Variants in RGS17 observed in about 807,000 individuals in gnomAD.
RGS17 encodes regulator of G-protein signaling 17.
RGS17 carries 12 observed loss-of-function variants against 25.5 expected under a neutral mutation model. That is an observed-to-expected ratio of 0.47 (90% CI 0.30 to 0.76). The LOEUF (loss-of-function observed/expected upper bound fraction) is 0.76. Ranked by LOEUF, RGS17 falls within the 30% of genes least tolerant of loss-of-function variation. The probability of loss-of-function intolerance (pLI) is 0.07; values close to 1 mark genes in which losing one functional copy is unlikely to be tolerated. For synonymous variants in RGS17, 71 were observed against 76.9 expected (o/e 0.92, Z 0.40); for missense variants, 196 against 242.2 (o/e 0.81, Z 1.27).
intron 3 of RGS17, among the ~76,000 whole-genome samples, chr6:153,026,046 A>C (rs1779298543): frequency 6.6e-6 from 1 of 152,098 alleles, no homozygotes; most frequent in Non-Finnish European, 1.5e-5. Context: ...CTCTGGTAGA[A>C]AAGGAACCAG....
chr6:153,013,949 G>A (rs1276439682), intron 4 of RGS17, among the ~76,000 whole-genome samples: 1 of 152,334 alleles, frequency 6.6e-6, no homozygotes, highest in South Asian at 2.1e-4. Flanking sequence ...AGAAACTGCA[G>A]TAATTTATTC....
Position 153,006,917 on chromosome 6 carries a change from A to C in RGS17, c.*4657T>G, listed in dbSNP as rs1048827126. The C allele has an allele frequency of 6.6e-6, 1 of 152,196 alleles. No individual in the cohort carries two copies. The highest frequency in any genetic ancestry group is 1.5e-5 in the Non-Finnish European group (1 of 68,016). 9.4% of individuals were successfully genotyped at this position (152,196 alleles called of 1,614,324 possible). On this transcript the variant is annotated 3_prime_UTR_variant, in exon 5 of 5. Coordinates refer to ENST00000206262, the MANE Select transcript of RGS17 (RefSeq NM_012419.5). The stretch of plus-strand genomic sequence containing the variant: ...CTGATGTTTTTACACTATGCTCCCT[A>C]AGTGAATCTGTGGACATACATTTCC...
At chr6:153,050,904 C>G (rs1357259652) in intron 1 of RGS17, among the ~76,000 whole-genome samples, 3 of 152,042 alleles carry the variant, frequency 2.0e-5, no homozygotes, top group African/African-American at 7.2e-5. Context: ...GAGGTGGGGC[C>G]TTTCAGAGGT....
At chr6:153,053,759 T>C (rs1776493782) in intron 1 of RGS17, among the ~76,000 whole-genome samples, 1 of 150,446 alleles carries the variant, frequency 6.6e-6, no homozygotes, top group Non-Finnish European at 1.5e-5. Context: ...CACCATGTAC[T>C]CTAGCCTGGG....
At chr6:153,041,013 A>AC (rs1296479198) in intron 2 of RGS17, among the ~76,000 whole-genome samples, 1 of 150,448 alleles carries the variant, frequency 6.6e-6, no homozygotes, top group Non-Finnish European at 1.5e-5. Context: ...AAAAAAAAAA[A>AC]AATTAGCCAG....
Position 153,070,701 on chromosome 6 carries a change from G to GTGTGTGTA in RGS17, c.-25-26659_-25-26658insTACACACA, listed in dbSNP as rs1197990953. 5.1e-4 allele frequency among the ~76,000 whole-genome samples: 53 copies of GTGTGTGTA among 104,726 alleles called. 1 individual carries two copies. Among genetic ancestry groups the GTGTGTGTA allele is most frequent in the South Asian group, 4.1e-3 (15 of 3,668 alleles). 68.7% of individuals were successfully genotyped at this position (104,726 alleles called of 152,430 possible). On this transcript the variant is annotated intron_variant, in intron 1 of 4. Transcript: ENST00000206262. ...TGTGTGTGTGTGTGTGTGTGTGTGT[G>GTGTGTGTA]TATATACATATATATATACACATAT...
chr6:153,051,035 C>T (rs1270922100), intron 1 of RGS17, among the ~76,000 whole-genome samples: 1 of 152,198 alleles, frequency 6.6e-6, no homozygotes, highest in Non-Finnish European at 1.5e-5. Flanking sequence ...CATCTACAAC[C>T]AGGCAGCAGG....
At chr6:153,129,765 C>A (rs769202955) in intron 1 of RGS17, among the ~76,000 whole-genome samples, 6 of 152,194 alleles carry the variant, frequency 3.9e-5, no homozygotes, top group Admixed American at 6.5e-5. Context: ...GTGTGAAGTT[C>A]TCCAGACAAA....
chr6:153,056,602 T>C (rs952585433), intron 1 of RGS17, among the ~76,000 whole-genome samples: 16 of 152,190 alleles, frequency 1.1e-4, no homozygotes, highest in African/African-American at 3.6e-4. Context: ...TTTACATAGA[T>C]GATTAGACAG....
At chr6:153,119,654 T>C (rs369205700) in intron 1 of RGS17, among the ~76,000 whole-genome samples, 1 of 152,036 alleles carries the variant, frequency 6.6e-6, no homozygotes, top group African/African-American at 2.4e-5. Flanking sequence ...GATCACGCCA[T>C]TGCACTCCAG....
intron 1 of RGS17, among the ~76,000 whole-genome samples, chr6:153,055,524 G>T (rs995597612): frequency 6.6e-6 from 1 of 151,992 alleles, no homozygotes; most frequent in African/African-American, 2.4e-5. Flanking sequence ...TCTCTCCTTT[G>T]CAAAGAAGGA....
chr6:153,054,695 A>T (rs1584136620), intron 1 of RGS17, among the ~76,000 whole-genome samples: 1 of 151,096 alleles, frequency 6.6e-6, no homozygotes, highest in African/African-American at 2.4e-5. Context: ...ATAAATAAAA[A>T]GATTTGCATG....
chr6:153,010,359 A>T lies in RGS17; in HGVS notation c.*1215T>A, dbSNP rs928536745. 9 of 152,038 alleles carry T rather than the reference A, an allele frequency of 5.9e-5. No individual in the cohort carries two copies. The highest frequency in any genetic ancestry group is 1.9e-4 in the African/African-American group (8 of 41,452). 9.4% of individuals were successfully genotyped at this position (152,038 alleles called of 1,614,324 possible). A position where few individuals can be genotyped will look rare whatever the true frequency, so the allele number is the denominator to read the frequency against. On this transcript the variant is annotated 3_prime_UTR_variant, in exon 5 of 5. Transcript: ENST00000206262. ...ATTTAGTGTACTTATAAAAAATAATATGGCAGCTGGAAGATTTGAGCACTG... is the reference window on the plus strand; with the variant it reads ...ATTTAGTGTACTTATAAAAAATAATTTGGCAGCTGGAAGATTTGAGCACTG...
chr6:153,029,125 A>T (rs995776631), intron 2 of RGS17, among the ~76,000 whole-genome samples: 4 of 152,210 alleles, frequency 2.6e-5, no homozygotes, highest in Non-Finnish European at 5.9e-5. Context: ...ATGGACACAC[A>T]TTTGGACTAA....
At chr6:153,104,496 C>T (rs1162975912) in intron 1 of RGS17, among the ~76,000 whole-genome samples, 1 of 152,158 alleles carries the variant, frequency 6.6e-6, no homozygotes, top group African/African-American at 2.4e-5. Flanking sequence ...GAAATTAGAA[C>T]ATGGACGTAA....
At chr6:153,097,622 G>C (rs1339377486) in intron 1 of RGS17, among the ~76,000 whole-genome samples, 1 of 151,986 alleles carries the variant, frequency 6.6e-6, no homozygotes, top group African/African-American at 2.4e-5. Context: ...CAGTGTTGTA[G>C]ACTGAATTCA....
chr6:153,029,450 T>A (rs568612406), intron 2 of RGS17, among the ~76,000 whole-genome samples: 2 of 152,204 alleles, frequency 1.3e-5, no homozygotes, highest in Non-Finnish European at 2.9e-5. Flanking sequence ...TGCATTGTTG[T>A]TGTTGTTTTT....
At chr6:153,111,320 G>A (rs529102466) in intron 1 of RGS17, among the ~76,000 whole-genome samples, 4 of 152,250 alleles carry the variant, frequency 2.6e-5, no homozygotes, top group East Asian at 1.9e-4. Context: ...AAACAAAGCC[G>A]CCAGGAAGTT....
intron 1 of RGS17, among the ~76,000 whole-genome samples, chr6:153,046,419 A>G (rs1174638067): frequency 2.6e-5 from 4 of 152,230 alleles, no homozygotes; most frequent in South Asian, 4.1e-4. Flanking sequence ...CCATAGAGTG[A>G]TAAGTGACCT....
Sources: allele counts gnomAD v4.1 joint callset (sites outside exome capture counted in the v4.1 genomes callset), GRCh38; gene constraint gnomAD v4.1.1; transcripts MANE v1.5; gene names NCBI Gene and HGNC (gene_info 2026-07-23, HGNC 2026-07-21).